Variants in CPA6 observed in about 807,000 individuals in gnomAD.
The protein encoded by CPA6 is carboxypeptidase B.
CPA6 carries 58 observed loss-of-function variants against 63.3 expected under a neutral mutation model. The ratio of observed to expected loss-of-function variants is 0.92; its 90% CI spans 0.74 to 1.14. CPA6 has a LOEUF of 1.14. Ranked by LOEUF, CPA6 falls within the 50% of genes most tolerant of loss-of-function variation. The probability of loss-of-function intolerance (pLI) is 0.00; values close to 1 mark genes in which losing one functional copy is unlikely to be tolerated. For missense variants in CPA6, 565 were observed against 526.6 expected (o/e 1.07, Z -0.71); for synonymous variants, 185 against 179.0 (o/e 1.03, Z -0.27).
chr8:67,600,292 T>C (rs1441796622), intron 2 of CPA6, among the ~76,000 whole-genome samples: 1 of 149,906 alleles, frequency 6.7e-6, no homozygotes, highest in African/African-American at 2.5e-5. Flanking sequence ...CTCTCACTTA[T>C]ATGTGGAATC....
chr8:67,572,861 C>A (rs76007722), intron 2 of CPA6, among the ~76,000 whole-genome samples: 1 of 152,032 alleles, frequency 6.6e-6, no homozygotes, highest in Admixed American at 6.6e-5. Context: ...ATATCTTTGA[C>A]GAATATAGAC....
intron 1 of CPA6, among the ~76,000 whole-genome samples, chr8:67,632,876 G>A (rs1312937933): frequency 6.6e-6 from 1 of 152,094 alleles, no homozygotes; most frequent in African/African-American, 2.4e-5. Flanking sequence ...TAGAAATAGT[G>A]CACAAATATT....
chr8:67,733,865 T>C (rs986128855), intron 1 of CPA6, among the ~76,000 whole-genome samples: 4 of 147,408 alleles, frequency 2.7e-5, no homozygotes, highest in African/African-American at 1.0e-4. Context: ...TTTTTTTTTT[T>C]TTTGAGACAG....
chr8:67,518,194 A>G (rs1006961826), intron 2 of CPA6, 147 bp from the exon 3 acceptor site: 1 of 649,978 alleles, frequency 1.5e-6, no homozygotes, highest in African/African-American at 1.8e-5. Flanking sequence ...TCAGGGTAAA[A>G]CTATTTGATC....
At chr8:67,551,859 A>G (rs1812945482) in intron 2 of CPA6, among the ~76,000 whole-genome samples, 1 of 152,090 alleles carries the variant, frequency 6.6e-6, no homozygotes, top group South Asian at 2.1e-4. Context: ...TATTCTTTTT[A>G]TGTATGATAT....
chr8:67,673,379 T>TATTATTATTA (rs1250192545), intron 1 of CPA6, among the ~76,000 whole-genome samples: 1 of 131,870 alleles, frequency 7.6e-6, no homozygotes, highest in Non-Finnish European at 1.5e-5. Flanking sequence ...TTATTATTAT[T>TATTATTATTA]ATTTATTTAT....
intron 1 of CPA6, among the ~76,000 whole-genome samples, chr8:67,673,053 C>T: frequency 6.6e-6 from 1 of 152,062 alleles, no homozygotes; most frequent in East Asian, 1.9e-4. Flanking sequence ...GGCAGCTAAT[C>T]AAATGTAGCC....
intron 8 of CPA6, among the ~76,000 whole-genome samples, chr8:67,475,823 T>TTTCTTTTCTTTC (rs1554666526): frequency 2.2e-5 from 1 of 45,966 alleles, no homozygotes; most frequent in Admixed American, 2.4e-4. Flanking sequence ...CTTTCCTTTC[T>TTTCTTTTCTTTC]TTTCTTTCTT....
At chr8:67,649,268 A>T (rs1480919257) in intron 1 of CPA6, among the ~76,000 whole-genome samples, 1 of 152,208 alleles carries the variant, frequency 6.6e-6, no homozygotes, top group African/African-American at 2.4e-5. Context: ...ATCTGGAATT[A>T]TCTGTTTTTT....
At chr8:67,449,863 T>C (rs1181656693) in intron 8 of CPA6, among the ~76,000 whole-genome samples, 1 of 146,568 alleles carries the variant, frequency 6.8e-6, no homozygotes, top group Non-Finnish European at 1.5e-5. Flanking sequence ...CCAGGCTGGA[T>C]GGAGTGCAGT....
intron 8 of CPA6, among the ~76,000 whole-genome samples, chr8:67,441,917 C>G (rs978843453): frequency 1.3e-5 from 2 of 152,062 alleles, no homozygotes; most frequent in African/African-American, 2.4e-5. Context: ...AAAAGAGGTG[C>G]TCTTTAATAA....
At chr8:67,448,130 C>T (rs1329988104) in intron 8 of CPA6, among the ~76,000 whole-genome samples, 1 of 152,160 alleles carries the variant, frequency 6.6e-6, no homozygotes, top group African/African-American at 2.4e-5. Context: ...ATACTTTAGA[C>T]CGGACTCTTT....
chr8:67,483,081 G>A (rs1037329848), intron 8 of CPA6, among the ~76,000 whole-genome samples: 1 of 152,182 alleles, frequency 6.6e-6, no homozygotes, highest in African/African-American at 2.4e-5. Flanking sequence ...GGGACCTACA[G>A]AAAGACTCAA....
intron 3 of CPA6, among the ~76,000 whole-genome samples, chr8:67,517,466 C>T (rs1254693760): frequency 2.6e-5 from 4 of 152,176 alleles, no homozygotes; most frequent in African/African-American, 7.2e-5. Context: ...ATCTGAACTC[C>T]CTGTTTCTCC....
intron 2 of CPA6, among the ~76,000 whole-genome samples, chr8:67,569,186 A>C (rs1391457508): frequency 1.3e-5 from 2 of 152,242 alleles, no homozygotes; most frequent in Non-Finnish European, 2.9e-5. Flanking sequence ...TATAATAATC[A>C]AACTGTCAAA....
chr8:67,688,856 A>C (rs1336172559), intron 1 of CPA6, among the ~76,000 whole-genome samples: 2 of 152,264 alleles, frequency 1.3e-5, no homozygotes, highest in East Asian at 3.9e-4. Flanking sequence ...CAAATTACTC[A>C]TTCTATTTTT....
chr8:67,562,526 T>C (rs1813237635), intron 2 of CPA6, among the ~76,000 whole-genome samples: 1 of 152,210 alleles, frequency 6.6e-6, no homozygotes, highest in African/African-American at 2.4e-5. Flanking sequence ...CTACGTACAG[T>C]TGGTACTATG....
At chr8:67,733,343 T>C (rs2553674) in intron 1 of CPA6, among the ~76,000 whole-genome samples, 151,104 of 152,130 alleles carry the variant, frequency 0.99, 75,046 homozygotes, top group East Asian at 1. Context: ...TTCTCTCAAG[T>C]GCCCAGGTGG....
chr8:67,475,802 TTTC>T (rs1811174031), intron 8 of CPA6, among the ~76,000 whole-genome samples: 1 of 57,764 alleles, frequency 1.7e-5, no homozygotes, highest in African/African-American at 1.2e-4. Flanking sequence ...TCTTTCTTTC[TTTC>T]TTTCTTTCTT....
Sources: allele counts gnomAD v4.1 joint callset (sites outside exome capture counted in the v4.1 genomes callset), GRCh38; gene constraint gnomAD v4.1.1; transcripts MANE v1.5; gene names NCBI Gene and HGNC (gene_info 2026-07-23, HGNC 2026-07-21).